CDC42BPA: variants seen among roughly 807,000 people sequenced by gnomAD.
The protein encoded by CDC42BPA is serine/threonine-protein kinase MRCK alpha.
Under a neutral mutation model 223.5 loss-of-function variants are expected in CDC42BPA, and 80 were observed. That is an observed-to-expected ratio of 0.36 (90% CI 0.30 to 0.43). CDC42BPA has a LOEUF of 0.43. Among genes scored for constraint, CDC42BPA ranks in the 20% least tolerant of loss-of-function variants. CDC42BPA has a pLI of 1.00. For synonymous variants in CDC42BPA, 694 were observed against 718.6 expected, an observed-to-expected ratio of 0.97 and a Z score of 0.55; for missense variants, 1,743 against 2,099.9, an observed-to-expected ratio of 0.83 and a Z score of 3.32.
At chr1:227,266,032 G>A (rs1684938841) in intron 1 of CDC42BPA, among the ~76,000 whole-genome samples, 1 of 152,208 alleles carries the variant, frequency 6.6e-6, no homozygotes, top group South Asian at 2.1e-4. Context: ...AATATCGTAT[G>A]TGGCAGACTG....
At chr1:227,243,818 T>G (rs1276334249) in intron 2 of CDC42BPA, among the ~76,000 whole-genome samples, 1 of 150,268 alleles carries the variant, frequency 6.7e-6, no homozygotes, top group Non-Finnish European at 1.5e-5. Context: ...AACAACAGAT[T>G]TGAATCTAGA....
chr1:227,033,090 T>C (rs1669606716), intron 27 of CDC42BPA, among the ~76,000 whole-genome samples: 1 of 152,214 alleles, frequency 6.6e-6, no homozygotes, highest in African/African-American at 2.4e-5. Context: ...GAATTGGAAC[T>C]AAAAAATATT....
intron 22 of CDC42BPA, 102 bp from the exon 23 acceptor site, chr1:227,048,112 AG>A: frequency 3.2e-6 from 2 of 625,988 alleles, no homozygotes; most frequent in Admixed American, 5.8e-5. Context: ...AACATCAATA[AG>A]GCAAAAAGTT....
intron 21 of CDC42BPA, among the ~76,000 whole-genome samples, chr1:227,061,477 G>A (rs1675916630): frequency 6.6e-6 from 1 of 152,172 alleles, no homozygotes; most frequent in Non-Finnish European, 1.5e-5. Context: ...CTATTAAGTG[G>A]TAGAGCCAGG....
chr1:227,000,506 C>G (rs1236963807), intron 35 of CDC42BPA, among the ~76,000 whole-genome samples: 6 of 152,152 alleles, frequency 3.9e-5, no homozygotes, highest in Non-Finnish European at 8.8e-5. Context: ...TGACCTTAAG[C>G]AAGTTATTTT....
At chr1:227,073,494 C>G (rs931911392) in intron 19 of CDC42BPA, among the ~76,000 whole-genome samples, 2 of 151,936 alleles carry the variant, frequency 1.3e-5, no homozygotes, top group Non-Finnish European at 2.9e-5. Flanking sequence ...CCACAATTTT[C>G]AAATGATTAT....
chr1:227,175,395 G>GT lies in CDC42BPA; in HGVS notation c.600-14760dup, dbSNP rs552276090. Among the ~76,000 whole-genome samples the GT allele has an allele frequency of 2.2e-3, 340 of 152,088 alleles. 1 individual carries two copies. Among genetic ancestry groups the GT allele is most frequent in the African/African-American group, 7.9e-3 (329 of 41,506 alleles). On this transcript the variant is annotated intron_variant, in intron 5 of 36. Transcript: ENST00000366766. Reference sequence around the variant, plus strand: ...ATCCACTGAGTACAATAGAAAAAAAGTCATAGTCTATGCCTCTGCAAACTT... The same window carrying GT: ...ATCCACTGAGTACAATAGAAAAAAAGTTCATAGTCTATGCCTCTGCAAACTT...
At chr1:227,136,814 A>G (rs1360567438) in intron 10 of CDC42BPA, among the ~76,000 whole-genome samples, 1 of 152,254 alleles carries the variant, frequency 6.6e-6, no homozygotes, top group East Asian at 1.9e-4. Flanking sequence ...TCAAAAATGA[A>G]GGTAAAAATA....
chr1:227,216,161 C>T (rs1452359603), intron 2 of CDC42BPA, among the ~76,000 whole-genome samples: 2 of 151,690 alleles, frequency 1.3e-5, no homozygotes, highest in Admixed American at 6.6e-5. Flanking sequence ...AAATATGTAC[C>T]ATAAATTTCT....
intron 1 of CDC42BPA, among the ~76,000 whole-genome samples, chr1:227,294,463 T>C (rs1690259577): frequency 1.3e-5 from 2 of 152,190 alleles, no homozygotes; most frequent in Non-Finnish European, 1.5e-5. Context: ...TGTTGGGCAC[T>C]GGTCTAGCAT....
chr1:227,082,834 A>G (rs1681000627), intron 16 of CDC42BPA, among the ~76,000 whole-genome samples: 1 of 151,110 alleles, frequency 6.6e-6, no homozygotes, highest in Non-Finnish European at 1.5e-5. Flanking sequence ...GTAAGTTGGC[A>G]GTTATTTTAC....
intron 2 of CDC42BPA, among the ~76,000 whole-genome samples, chr1:227,228,334 A>G (rs1438491830): frequency 6.6e-6 from 1 of 152,206 alleles, no homozygotes; most frequent in Middle Eastern, 3.2e-3. Context: ...AGGCTCATTC[A>G]TATTGTAGCA....
intron 15 of CDC42BPA, among the ~76,000 whole-genome samples, chr1:227,099,631 T>C (rs1220743903): frequency 6.6e-6 from 1 of 152,126 alleles, no homozygotes; most frequent in Non-Finnish European, 1.5e-5. Flanking sequence ...TCGTCTCTAC[T>C]ATTCTTTTCC....
chr1:227,307,888 A>C (rs528980847), intron 1 of CDC42BPA, among the ~76,000 whole-genome samples: 52 of 152,324 alleles, frequency 3.4e-4, no homozygotes, highest in African/African-American at 1.3e-3. Flanking sequence ...GAGATATATA[A>C]ATATAAAAAT....
intron 31 of CDC42BPA, among the ~76,000 whole-genome samples, chr1:227,024,497 A>G (rs1248542209): frequency 6.6e-6 from 1 of 152,240 alleles, no homozygotes; most frequent in East Asian, 1.9e-4. Context: ...CAAAAAACAG[A>G]TGCAGCAACA....
intron 21 of CDC42BPA, among the ~76,000 whole-genome samples, chr1:227,066,586 G>GATC (rs1222676484): frequency 6.6e-6 from 1 of 152,084 alleles, no homozygotes; most frequent in African/African-American, 2.4e-5. Context: ...TGGGAAGGGA[G>GATC]ATCATAGGTA....
At chr1:227,086,922 C>G (rs1682062571) in intron 16 of CDC42BPA, among the ~76,000 whole-genome samples, 1 of 152,134 alleles carries the variant, frequency 6.6e-6, no homozygotes, top group Non-Finnish European at 1.5e-5. Context: ...ATCCTCATGC[C>G]TTAGACTCCC....
intron 10 of CDC42BPA, among the ~76,000 whole-genome samples, chr1:227,133,973 G>GAATGAATAAATAAATAAATA (rs370174201): frequency 2.1e-4 from 31 of 146,288 alleles, no homozygotes; most frequent in Admixed American, 1.0e-3. Flanking sequence ...AAAAATAAAT[G>GAATGAATAAATAAATAAATA]AATAAATAAA....
chr1:227,260,128 T>G (rs780722476), intron 1 of CDC42BPA, among the ~76,000 whole-genome samples: 11 of 150,824 alleles, frequency 7.3e-5, no homozygotes, highest in Non-Finnish European at 1.6e-4. Context: ...CTCAGATCTA[T>G]CAGGCTCCAA....
Sources: allele counts gnomAD v4.1 joint callset (sites outside exome capture counted in the v4.1 genomes callset), GRCh38; gene constraint gnomAD v4.1.1; transcripts MANE v1.5; gene names NCBI Gene and HGNC (gene_info 2026-07-23, HGNC 2026-07-21).